Variants in NT5M observed in about 807,000 individuals in gnomAD.
NT5M encodes 5',3'-nucleotidase, mitochondrial, also known as 5'(3')-deoxyribonucleotidase, mitochondrial.
NT5M carries 22 observed loss-of-function variants against 22.2 expected under a neutral mutation model. The ratio of observed to expected loss-of-function variants is 0.99; its 90% confidence interval spans 0.71 to 1.41. The LOEUF (loss-of-function observed/expected upper bound fraction) is 1.41. Among genes scored for constraint, NT5M ranks in the 40% most tolerant of loss-of-function variants. The pLI, the probability that NT5M is intolerant of heterozygous loss-of-function variation, is 0.00. For synonymous variants in NT5M, 167 were observed against 133.0 expected, an observed-to-expected ratio of 1.26 and a Z score of -1.76; for missense variants, 322 against 314.8, an observed-to-expected ratio of 1.02 and a Z score of -0.17.
Position 17,334,402 on chromosome 17 carries a change from A to G in NT5M, c.430-10392A>G, listed in dbSNP as rs536072328. On this transcript the variant is annotated intron_variant, in intron 3 of 4. Transcript: ENST00000389022. ...GAAGTGTCATGGTAGCCTGGGGTCCATTTCTGGAATGTATCCTGCTTCTCT... is the reference window on the plus strand; with the variant it reads ...GAAGTGTCATGGTAGCCTGGGGTCCGTTTCTGGAATGTATCCTGCTTCTCT... Among the ~76,000 whole-genome samples the G allele has an allele frequency of 6.8e-5, 10 of 147,632 alleles. No individual in the cohort carries two copies. In the South Asian group the frequency reaches 1.9e-3, roughly 29 times the overall value.
At chr17:17,331,519 C>T (rs568294077) in intron 3 of NT5M, among the ~76,000 whole-genome samples, 1 of 151,742 alleles carries the variant, frequency 6.6e-6, no homozygotes, top group South Asian at 2.1e-4. Context: ...AGCTAACTCA[C>T]TCCTTCTAGT....
chr17:17,339,080 G>A (rs2049586529), intron 3 of NT5M, among the ~76,000 whole-genome samples: 2 of 152,164 alleles, frequency 1.3e-5, no homozygotes, highest in South Asian at 4.1e-4. Flanking sequence ...GCTTTGGGTA[G>A]TATGAACATT....
intron 2 of NT5M, among the ~76,000 whole-genome samples, chr17:17,321,737 C>T (rs930260756): frequency 6.6e-6 from 1 of 151,890 alleles, no homozygotes; most frequent in South Asian, 2.1e-4. Context: ...CCTGGCCAGA[C>T]AGGCCTGGGT....
intron 1 of NT5M, among the ~76,000 whole-genome samples, chr17:17,306,156 C>T (rs996478229): frequency 1.3e-5 from 2 of 152,084 alleles, no homozygotes; most frequent in African/African-American, 4.8e-5. Context: ...CTCCAGTTCT[C>T]AAGTTTAAGG....
chr17:17,317,214 T>C (rs1292063395), intron 2 of NT5M, among the ~76,000 whole-genome samples: 1 of 151,746 alleles, frequency 6.6e-6, no homozygotes, highest in Non-Finnish European at 1.5e-5. Context: ...CATGCCCCGC[T>C]AATTTTTTGT....
In NT5M at chr17:17,323,238, A is replaced by G; in HGVS notation, c.422A>G (p.Tyr141Cys). Residue 141 changes from tyrosine to cysteine, a missense_variant, in exon 3 of 5, where the codon TAT becomes TGT. Tyr to Cys is a radical substitution (Grantham distance 194, BLOSUM62 -2). Transcript: ENST00000389022. ...SPIKMFKYCPYEKYAWVEKYF... is the reference protein window; with the variant it reads ...SPIKMFKYCPCEKYAWVEKYF... ...ATCAAGATGTTCAAGTACTGTCCCT[A>G]TGAGAAGGTAAGGCGTGCGTCTGCT... 6.2e-7 allele frequency: 1 copy of G among 1,613,830 alleles called. No homozygotes were observed. Among genetic ancestry groups the G allele is most frequent in the Non-Finnish European group, 8.5e-7 (1 of 1,179,704 alleles).
intron 2 of NT5M, among the ~76,000 whole-genome samples, chr17:17,318,842 A>G (rs1418535910): frequency 6.6e-6 from 1 of 150,880 alleles, no homozygotes; most frequent in African/African-American, 2.4e-5. Flanking sequence ...GGCAACATGA[A>G]TGAACCTTGA....
intron 1 of NT5M, among the ~76,000 whole-genome samples, chr17:17,305,394 G>GCCCCCCCCCCCCCCC (rs34579357): frequency 1.6e-3 from 117 of 74,142 alleles, no homozygotes; most frequent in South Asian, 2.0e-3. Context: ...TAAAACAACC[G>GCCCCCCCCCCCCCCC]CCCCCCCCCC....
At chr17:17,318,848 C>G (rs1481267533) in intron 2 of NT5M, among the ~76,000 whole-genome samples, 1 of 148,230 alleles carries the variant, frequency 6.7e-6, no homozygotes, top group Non-Finnish European at 1.5e-5. Context: ...ATGAATGAAC[C>G]TTGAAAACAT....
chr17:17,316,699 T>G (rs925791933), intron 2 of NT5M, among the ~76,000 whole-genome samples: 2 of 30,322 alleles, frequency 6.6e-5, no homozygotes, highest in Non-Finnish European at 2.6e-4. Flanking sequence ...TTGTTTTTTG[T>G]TTTGTTTTGT....
At chr17:17,330,766 G>A (rs1332386001) in intron 3 of NT5M, among the ~76,000 whole-genome samples, 2 of 130,350 alleles carry the variant, frequency 1.5e-5, no homozygotes, top group African/African-American at 5.9e-5. Context: ...TTTTTGAGAC[G>A]GAGTCTCACT....
chr17:17,313,843 G>C (rs2048968942), intron 2 of NT5M, among the ~76,000 whole-genome samples: 1 of 152,146 alleles, frequency 6.6e-6, no homozygotes, highest in African/African-American at 2.4e-5. Flanking sequence ...GGGGACTCCA[G>C]GTAGGAGGGG....
intron 3 of NT5M, among the ~76,000 whole-genome samples, chr17:17,327,669 C>T (rs2145391002): frequency 9.4e-6 from 1 of 106,268 alleles, no homozygotes; most frequent in African/African-American, 3.2e-5. Context: ...AGGTGCGTGC[C>T]ACCATGACCA....
At chr17:17,329,415 C>T (rs2049330947) in intron 3 of NT5M, among the ~76,000 whole-genome samples, 1 of 152,214 alleles carries the variant, frequency 6.6e-6, no homozygotes, top group Admixed American at 6.5e-5. Context: ...CTCACTGCCT[C>T]TTCTCGGACT....
chr17:17,326,021 C>A (rs1020603800), intron 3 of NT5M, among the ~76,000 whole-genome samples: 4 of 152,316 alleles, frequency 2.6e-5, no homozygotes, highest in Admixed American at 2.0e-4. Context: ...CTGTCAAGCC[C>A]AGCACCCAGC....
chr17:17,316,863 T>A (rs2049039956), intron 2 of NT5M, among the ~76,000 whole-genome samples: 1 of 151,538 alleles, frequency 6.6e-6, no homozygotes, highest in South Asian at 2.1e-4. Context: ...TATAGGCACA[T>A]GCTACCACGC....
intron 3 of NT5M, among the ~76,000 whole-genome samples, chr17:17,329,638 A>AT: frequency 6.6e-6 from 1 of 152,244 alleles, no homozygotes; most frequent in Admixed American, 6.6e-5. Context: ...TCCAGATGAC[A>AT]TGTCTGCCTG....
chr17:17,329,190 G>C (rs983464424), intron 3 of NT5M, among the ~76,000 whole-genome samples: 1 of 152,168 alleles, frequency 6.6e-6, no homozygotes, highest in Non-Finnish European at 1.5e-5. Context: ...GTGTTAGCCA[G>C]GATGGTCTCG....
chr17:17,329,696 C>T (rs2049336242), intron 3 of NT5M, among the ~76,000 whole-genome samples: 2 of 152,126 alleles, frequency 1.3e-5, no homozygotes, highest in African/African-American at 4.8e-5. Flanking sequence ...CCACTTCAGG[C>T]CGGGTACAGT....
Sources: allele counts gnomAD v4.1 joint callset (sites outside exome capture counted in the v4.1 genomes callset), GRCh38; gene constraint gnomAD v4.1.1; transcripts MANE v1.5; gene names NCBI Gene and HGNC (gene_info 2026-07-23, HGNC 2026-07-21).